CSMD2: variants seen among roughly 807,000 people sequenced by gnomAD.
The protein encoded by CSMD2 is CUB and sushi domain-containing protein 2.
Under a neutral mutation model 398.5 loss-of-function variants are expected in CSMD2, and 130 were observed. The observed-to-expected ratio is 0.33, with a 90% CI of 0.28 to 0.38. The LOEUF (loss-of-function observed/expected upper bound fraction) is 0.38, where lower values mean the gene tolerates loss of function less well. CSMD2 is among the 10% of genes least tolerant of loss of function. The pLI, the probability that CSMD2 is intolerant of heterozygous loss-of-function variation, is 1.00. For synonymous variants in CSMD2, 1,828 were observed against 1,908.5 expected (o/e 0.96, Z 1.10); for missense variants, 3,829 against 4,764.9 (o/e 0.80, Z 5.78).
rs1266329121 is a variant in CSMD2 at position 33,726,606 on chromosome 1, C to A, written c.2448G>T (p.Leu816Phe). Residue 816 changes from leucine (L) to phenylalanine (F), a missense_variant, in exon 16 of 71, where the codon TTG (leucine) becomes TTT (phenylalanine). By Grantham distance (22) the Leu-to-Phe change is conservative. Transcript: ENST00000373381. ...PGWPGFYKDA[L>F]SCAWVIEAQP... ...GGGCCTCAATCACCCAGGCACAGCT[C>A]AAGGCATCCTTGTAGAAGCCAGGCC... 1.9e-6 allele frequency: 3 copies of A among 1,613,566 alleles called. No individual in the cohort carries two copies. Among genetic ancestry groups the A allele is most frequent in the East Asian group, 2.2e-5 (1 of 44,876 alleles).
intron 10 of CSMD2, among the ~76,000 whole-genome samples, chr1:33,797,811 C>T (rs1389207049): frequency 6.6e-6 from 1 of 152,172 alleles, no homozygotes; most frequent in African/African-American, 2.4e-5. Flanking sequence ...CCCCTTCCAG[C>T]CAGCCCTGGG....
chr1:34,110,578 A>G (rs749459381), intron 1 of CSMD2, among the ~76,000 whole-genome samples: 9 of 152,218 alleles, frequency 5.9e-5, no homozygotes, highest in African/African-American at 9.6e-5. Context: ...TAAGATCTCC[A>G]TCTTAAGCTA....
At chr1:34,090,873 G>A (rs1658483841) in intron 1 of CSMD2, among the ~76,000 whole-genome samples, 2 of 152,134 alleles carry the variant, frequency 1.3e-5, no homozygotes, top group African/African-American at 4.8e-5. Context: ...CTTTCCACAT[G>A]GCCTGGCCCT....
chr1:33,944,238 C>CCG (rs1553258914), intron 3 of CSMD2, among the ~76,000 whole-genome samples: 50 of 152,144 alleles, frequency 3.3e-4, no homozygotes, highest in African/African-American at 1.1e-3. Context: ...ACGCCCCCCC[C>CCG]CCAACTCCTG....
chr1:33,675,267 T>A (rs996990458), intron 25 of CSMD2, among the ~76,000 whole-genome samples: 1 of 151,980 alleles, frequency 6.6e-6, no homozygotes, highest in African/African-American at 2.4e-5. Flanking sequence ...TAAAAAATGA[T>A]AAAGGGGATA....
intron 10 of CSMD2, among the ~76,000 whole-genome samples, chr1:33,800,251 G>T (rs1048526355): frequency 6.6e-5 from 10 of 152,174 alleles, no homozygotes; most frequent in African/African-American, 1.7e-4. Context: ...CCAGGGTCTT[G>T]CTGAGGCCCT....
At chr1:34,051,565 T>C (rs2148224914) in intron 2 of CSMD2, among the ~76,000 whole-genome samples, 3 of 152,312 alleles carry the variant, frequency 2.0e-5, no homozygotes, top group Admixed American at 2.0e-4. Flanking sequence ...GCATAAGATA[T>C]AATAACTTTA....
intron 5 of CSMD2, among the ~76,000 whole-genome samples, chr1:33,853,980 C>T (rs897152678): frequency 6.6e-6 from 1 of 152,192 alleles, no homozygotes; most frequent in Non-Finnish European, 1.5e-5. Flanking sequence ...GTCTCAACCA[C>T]AGCATTCTTG....
At chr1:34,062,442 C>G (rs1245020717) in intron 2 of CSMD2, among the ~76,000 whole-genome samples, 1 of 152,198 alleles carries the variant, frequency 6.6e-6, no homozygotes, top group Non-Finnish European at 1.5e-5. Context: ...TTAAAACAGA[C>G]AAGCCAGGAA....
At chr1:34,049,975 C>T (rs1215340001) in intron 2 of CSMD2, among the ~76,000 whole-genome samples, 1 of 152,204 alleles carries the variant, frequency 6.6e-6, no homozygotes, top group Non-Finnish European at 1.5e-5. Flanking sequence ...ACCCTGTCTG[C>T]AATGTGAAGA....
intron 22 of CSMD2, among the ~76,000 whole-genome samples, chr1:33,701,143 AC>A (rs1238728280): frequency 1.3e-5 from 2 of 151,886 alleles, no homozygotes; most frequent in East Asian, 3.9e-4. Context: ...ACCTGATCCC[AC>A]CCCACTGTGG....
At chr1:33,755,768 C>T (rs1648903292) in intron 13 of CSMD2, among the ~76,000 whole-genome samples, 1 of 152,008 alleles carries the variant, frequency 6.6e-6, no homozygotes, top group Non-Finnish European at 1.5e-5. Context: ...ACCTCAGCTT[C>T]CCAAGTAGCT....
chr1:33,925,830 C>T (rs983553842), intron 4 of CSMD2, among the ~76,000 whole-genome samples: 2 of 152,154 alleles, frequency 1.3e-5, no homozygotes, highest in Admixed American at 6.5e-5. Context: ...CCACCCTGGC[C>T]TCCTCCCAGC....
chr1:33,927,875 T>C (rs756825646), intron 4 of CSMD2, among the ~76,000 whole-genome samples: 5 of 152,178 alleles, frequency 3.3e-5, no homozygotes, highest in African/African-American at 4.8e-5. Context: ...GCTTTCTTCA[T>C]AGGATGGAAA....
chr1:34,113,348 C>T (rs1452666824), intron 1 of CSMD2, among the ~76,000 whole-genome samples: 1 of 152,198 alleles, frequency 6.6e-6, no homozygotes, highest in Non-Finnish European at 1.5e-5. Flanking sequence ...TGACTCCTGA[C>T]AGTTGTCACA....
chr1:34,060,287 C>T (rs1360964372), intron 2 of CSMD2, among the ~76,000 whole-genome samples: 1 of 152,182 alleles, frequency 6.6e-6, no homozygotes, highest in Non-Finnish European at 1.5e-5. Context: ...AAAATCAATG[C>T]ATAAGTGTGT....
chr1:33,911,323 G>A (rs1247558487), intron 5 of CSMD2, among the ~76,000 whole-genome samples: 5 of 152,194 alleles, frequency 3.3e-5, no homozygotes, highest in African/African-American at 7.2e-5. Context: ...CTCCATTGGC[G>A]TGCAATTCTC....
At chr1:33,768,183 C>T (rs1307432268) in intron 13 of CSMD2, among the ~76,000 whole-genome samples, 1 of 152,166 alleles carries the variant, frequency 6.6e-6, no homozygotes, top group Non-Finnish European at 1.5e-5. Flanking sequence ...TAATCATAGC[C>T]TCACTTAAAA....
At chr1:33,812,622 A>C (rs1195659967) in intron 9 of CSMD2, among the ~76,000 whole-genome samples, 1 of 150,008 alleles carries the variant, frequency 6.7e-6, no homozygotes, top group East Asian at 2.0e-4. Flanking sequence ...ATCTAAATCC[A>C]TTTGCTGGTC....
Sources: allele counts gnomAD v4.1 joint callset (sites outside exome capture counted in the v4.1 genomes callset), GRCh38; gene constraint gnomAD v4.1.1; transcripts MANE v1.5; gene names NCBI Gene and HGNC (gene_info 2026-07-23, HGNC 2026-07-21).